Variants in C16orf89 observed in about 807,000 individuals in gnomAD.
C16orf89 encodes UPF0764 protein C16orf89.
A neutral mutation model predicts 41.5 loss-of-function variants in C16orf89; 57 were observed. The observed-to-expected ratio is 1.38, with a 90% CI of 1.11 to 1.71. The LOEUF is 1.71. Among genes scored for constraint, C16orf89 ranks in the 40% most tolerant of loss-of-function variants. C16orf89 has a pLI of 0.00. For synonymous variants in C16orf89, 223 were observed against 190.6 expected (o/e 1.17, Z -1.40); for missense variants, 575 against 445.9 (o/e 1.29, Z -2.61).
chr16:5,058,045 C>G (rs1042692186), intron 4 of C16orf89, among the ~76,000 whole-genome samples: 3 of 152,050 alleles, frequency 2.0e-5, no homozygotes, highest in Non-Finnish European at 4.4e-5. Flanking sequence ...TCCTGAGGTC[C>G]CAAGTAGAAA....
chr16:5,064,299 C>A (rs1438356988), intron 1 of C16orf89, among the ~76,000 whole-genome samples: 1 of 152,186 alleles, frequency 6.6e-6, no homozygotes, highest in Non-Finnish European at 1.5e-5. Flanking sequence ...GGGACGTAGA[C>A]CCTGCCCACT....
intron 4 of C16orf89, among the ~76,000 whole-genome samples, chr16:5,058,011 T>C (rs971709756): frequency 6.6e-6 from 1 of 151,938 alleles, no homozygotes. Flanking sequence ...ACAGCAGGAG[T>C]ATGATAGGGG....
intron 6 of C16orf89, among the ~76,000 whole-genome samples, chr16:5,052,815 G>C (rs1212030951): frequency 1.3e-5 from 2 of 152,158 alleles, no homozygotes; most frequent in South Asian, 2.1e-4. Flanking sequence ...ATGTTGAAGA[G>C]ACATCTGCAC....
At position 5,044,219 on chromosome 16, in the gene C16orf89, G is replaced by T; in HGVS notation, c.*129C>A. ...CTACTCAGGGCTTCCAAGATTGGGT[G>T]TCGGGGTGGCTTTGCTTATCCTCCA... is the stretch of plus-strand genomic sequence containing the variant. On this transcript the variant is annotated 3_prime_UTR_variant, in exon 8 of 8. Transcript: ENST00000472572. 1 of 1,422,244 alleles carries T rather than the reference G, an allele frequency of 7.0e-7. No individual in the cohort carries two copies. 88.1% of individuals were successfully genotyped at this position (1,422,244 alleles called of 1,614,324 possible).
chr16:5,057,456 G>T (rs1378100759), intron 4 of C16orf89, among the ~76,000 whole-genome samples: 6 of 147,058 alleles, frequency 4.1e-5, no homozygotes, highest in East Asian at 2.1e-4. Context: ...ATAAAGAAAA[G>T]AAATATATAT....
At position 5,058,608 on chromosome 16, in the gene C16orf89, G is replaced by T; in HGVS notation, c.512C>A (p.Thr171Lys). 2 of 1,608,486 alleles carry T rather than the reference G, an allele frequency of 1.2e-6. No homozygotes were observed. Among genetic ancestry groups the T allele is most frequent in the Non-Finnish European group, 8.5e-7 (1 of 1,176,850 alleles). Reference protein sequence around the residue: ...VCLVQLLGTGTDSSEPCGLSD... With the variant: ...VCLVQLLGTGKDSSEPCGLSD... ...GAGGCCGCAGGGCTCGCTGCTGTCC[G>T]TCCTGGGGGAAAGTGGTTCCAAGCT... The change falls in exon 4 of 8, where the codon ACG (threonine) becomes AAG (lysine). Residue 171 changes from threonine to lysine, a missense_variant and splice_region_variant. By Grantham distance (78) the Thr-to-Lys change is moderately conservative. Coordinates refer to ENST00000472572, the MANE Select transcript of C16orf89 (RefSeq NM_001098514.3).
In C16orf89 at chr16:5,055,288, G is replaced by A. The variant is rs1347388400; in HGVS notation, c.826C>T (p.Leu276Phe). Residue 276 changes from leucine (L) to phenylalanine (F), a missense_variant, in exon 6 of 8, where the codon CTC becomes TTC. By Grantham distance (22) the Leu-to-Phe change is conservative. Coordinates refer to ENST00000472572, the MANE Select transcript of C16orf89 (RefSeq NM_001098514.3). The part of the protein sequence containing the change: ...FYKLRWLEAI[L>F]SWQKQQEGCF... ...CCTTCCTGCTGTTTCTGCCAGCTGA[G>A]AATGGCCTCCAGCCACCGGAGCTTG... The A allele has an allele frequency of 2.5e-6, 4 of 1,613,566 alleles. No individual in the cohort carries two copies. The East Asian group carries it at 8.9e-5, about 36-fold the overall frequency.
At chr16:5,065,628 A>ACAGAG (rs1161556257) in intron 1 of C16orf89, 73 bp downstream of exon 1, 22 of 1,481,896 alleles carry the variant, frequency 1.5e-5, no homozygotes, top group African/African-American at 8.3e-5. Context: ...TCCCAGGCGT[A>ACAGAG]CAGAGCAGGG....
At chr16:5,059,686 G>T (rs1315288787) in intron 3 of C16orf89, among the ~76,000 whole-genome samples, 1 of 152,042 alleles carries the variant, frequency 6.6e-6, no homozygotes, top group Non-Finnish European at 1.5e-5. Flanking sequence ...ATAAAATGAG[G>T]AGCCCAGCTA....
intron 3 of C16orf89, chr16:5,060,077 T>C: frequency 2.0e-6 from 1 of 487,936 alleles, no homozygotes; most frequent in Non-Finnish European, 3.5e-6. Context: ...GAAGGCCTGC[T>C]GTGGCATGGG....
At chr16:5,057,094 T>C (rs928462921) in intron 4 of C16orf89, among the ~76,000 whole-genome samples, 1 of 151,706 alleles carries the variant, frequency 6.6e-6, no homozygotes, top group Non-Finnish European at 1.5e-5. Context: ...AAAAATTAGC[T>C]GGGCATAGTG....
rs60439270 is a variant in C16orf89, at chr16:5,061,264, G to GAAA, written c.359-831_359-829dup. The stretch of plus-strand genomic sequence containing the variant: ...GTGACAGAGCAAGACTCCATCTCAA[G>GAAA]AAAAAAAAAAAAAAAAAAAAGCCGG... On this transcript the variant is annotated intron_variant, in intron 2 of 7. Coordinates refer to ENST00000472572, the MANE Select transcript of C16orf89 (RefSeq NM_001098514.3). Among the ~76,000 whole-genome samples, 43 of 57,798 alleles carry GAAA rather than the reference G, an allele frequency of 7.4e-4. 2 individuals carry two copies. Among genetic ancestry groups the GAAA allele is most frequent in the African/African-American group, 1.1e-3 (14 of 12,940 alleles). The allele number at this position is 57,798 out of a possible 152,430, so 37.9% of individuals were successfully genotyped here.
rs1956643207 is a variant in C16orf89 at position 5,062,355 on chromosome 16, C to G, written c.358+70G>C. 40 of 1,496,292 alleles carry G rather than the reference C, an allele frequency of 2.7e-5. No homozygotes were observed. The South Asian group carries it at 4.8e-4, about 18-fold the overall frequency. The allele number at this position is 1,496,292 out of a possible 1,614,324, so 92.7% of individuals were successfully genotyped here. On this transcript the variant is annotated intron_variant, in intron 2 of 7. Coordinates refer to ENST00000472572, the MANE Select transcript of C16orf89 (RefSeq NM_001098514.3). The stretch of plus-strand genomic sequence containing the variant: ...CAGCCTTGCCCCAGGAGAGCCCACG[C>G]TGGGTTATTTCAGTCAATATCCCCA...
At chr16:5,048,535 C>T (rs995135460) in intron 6 of C16orf89, among the ~76,000 whole-genome samples, 3 of 152,182 alleles carry the variant, frequency 2.0e-5, no homozygotes, top group Non-Finnish European at 4.4e-5. Flanking sequence ...ATCAGAACCA[C>T]TGGAGGTGCC....
At chr16:5,061,520 A>T (rs1433967071) in intron 2 of C16orf89, among the ~76,000 whole-genome samples, 1 of 150,772 alleles carries the variant, frequency 6.6e-6, no homozygotes, top group African/African-American at 2.4e-5. Context: ...CCAAAAAAAA[A>T]AACAAGTGGG....
intron 6 of C16orf89, among the ~76,000 whole-genome samples, chr16:5,049,963 AAG>A (rs1473632760): frequency 1.3e-5 from 2 of 152,166 alleles, no homozygotes; most frequent in Admixed American, 1.3e-4. Context: ...CTAAGAAAAA[AAG>A]AGAAAAGACT....
At position 5,065,717 on chromosome 16, in the gene C16orf89, C is replaced by T; in HGVS notation, c.192G>A (p.Gly64=). ...CTCACTCACCTTCCAGCACTCGGAC[C>T]CCCACCATGCCATCCAGGTTGATTT... ...LPEINLDGMV[G]VRVLEEQLKS... Residue 64 remains glycine, a synonymous_variant, in exon 1 of 8, where the codon GGG becomes GGA. Transcript: ENST00000472572. 1 of 1,613,574 alleles carries T rather than the reference C, an allele frequency of 6.2e-7. No homozygotes were observed. The highest frequency in any genetic ancestry group is 1.1e-5 in the South Asian group (1 of 91,076).
At position 5,044,317 on chromosome 16, in the gene C16orf89, C is replaced by T. The variant is rs1433050943; in HGVS notation, c.*31G>A. ...ATGAGGACTAAAGGGGTCTGTTCCT[C>T]CTCCAGGCAGCTGGCATGGAACCGT... On this transcript the variant is annotated 3_prime_UTR_variant, in exon 8 of 8. Transcript: ENST00000472572. 7 of 1,572,630 alleles carry T rather than the reference C, an allele frequency of 4.5e-6. No individual in the cohort carries two copies. The African/African-American group carries it at 5.4e-5, about 12-fold the overall frequency.
rs1199958548 is a variant in C16orf89 at position 5,056,178 on chromosome 16, G to A, written c.638C>T (p.Thr213Ile). Residue 213 changes from threonine to isoleucine, a missense_variant, in exon 5 of 8, where the codon ACA becomes ATA. Physicochemically the swap from Thr to Ile is moderately conservative, Grantham distance 89. Transcript: ENST00000472572. ...CTGGCTCTGTTGGAGTGGTCCCTGT[G>A]TGCACCCCCTCTGGGGAGACAAACA... Reference protein sequence around the residue: ...FFLWARMRGCTQGPLQQSQDY... With the variant: ...FFLWARMRGCIQGPLQQSQDY... The A allele has an allele frequency of 3.8e-6, 6 of 1,589,674 alleles. No individual in the cohort carries two copies. Among genetic ancestry groups the A allele is most frequent in the Non-Finnish European group, 5.2e-6 (6 of 1,159,544 alleles).
Sources: gnomAD v4.1 joint callset for allele counts (sites outside exome capture counted in the v4.1 genomes callset) on GRCh38, gnomAD v4.1.1 for gene constraint, MANE v1.5 for transcripts, NCBI Gene and HGNC (gene_info 2026-07-23, HGNC 2026-07-21) for gene names.